Variants in ZIM2 observed in about 807,000 individuals in gnomAD.
ZIM2 encodes the protein zinc finger imprinted 2.
Under a neutral mutation model 38.6 loss-of-function variants are expected in ZIM2, and 14 were observed. That is an observed-to-expected ratio of 0.36 (90% confidence interval 0.24 to 0.57). The LOEUF is 0.57. ZIM2 is among the 20% of genes least tolerant of loss of function. The pLI is 0.81. For synonymous variants in ZIM2, 247 were observed against 245.8 expected (o/e 1.00, Z -0.04); for missense variants, 680 against 695.1 (o/e 0.98, Z 0.24).
intron 9 of ZIM2, among the ~76,000 whole-genome samples, chr19:56,806,773 G>A (rs1162879256): frequency 6.6e-6 from 1 of 152,136 alleles, no homozygotes; most frequent in Non-Finnish European, 1.5e-5. Flanking sequence ...CCTCATGAAT[G>A]GGATTAGTGC....
At chr19:56,805,379 A>G (rs976962975) in intron 9 of ZIM2, among the ~76,000 whole-genome samples, 2 of 152,222 alleles carry the variant, frequency 1.3e-5, no homozygotes, top group African/African-American at 2.4e-5. Context: ...GGCTGGGCCA[A>G]TAAGAGTCCT....
chr19:56,823,541 G>T, intron 5 of ZIM2, 49 bp downstream of exon 5: 1 of 1,610,102 alleles, frequency 6.2e-7, no homozygotes, highest in Non-Finnish European at 8.5e-7. Context: ...CCATCTGGAA[G>T]CATCTGGCAG....
At position 56,821,788 on chromosome 19, in the gene ZIM2, G is replaced by C. The variant is rs375396925; in HGVS notation, c.191-34C>G. On this transcript the variant is annotated intron_variant, in intron 6 of 12. Coordinates refer to ENST00000629319, the MANE Select transcript of ZIM2 (RefSeq NM_001387356.1). ...AAAAAAGGCATCAACAAGAAGCAGG[G>C]CCCAGTCCATCCTGCAGGTCCCAGG... 4 of 1,610,056 alleles carry C rather than the reference G, an allele frequency of 2.5e-6. No individual in the cohort carries two copies. In the East Asian group the frequency reaches 6.7e-5, roughly 27 times the overall value.
At chr19:56,811,300 A>G (rs1401930048) in intron 9 of ZIM2, 22 of 916,914 alleles carry the variant, frequency 2.4e-5, no homozygotes, top group Non-Finnish European at 2.7e-5. Context: ...ATATTTTTAA[A>G]CAGTTATAAT....
chr19:56,784,100 TA>T (rs562091161), intron 10 of ZIM2, among the ~76,000 whole-genome samples: 3 of 152,054 alleles, frequency 2.0e-5, no homozygotes, highest in East Asian at 1.9e-4. Context: ...ACTTTGGCAA[TA>T]AAAAAAATGA....
intron 9 of ZIM2, among the ~76,000 whole-genome samples, chr19:56,797,293 CTA>C (rs2047279644): frequency 6.6e-6 from 1 of 151,030 alleles, no homozygotes; most frequent in Non-Finnish European, 1.5e-5. Flanking sequence ...CAGAGTGAGA[CTA>C]TGTCTCAAAT....
chr19:56,804,003 A>G (rs886176520), intron 9 of ZIM2, among the ~76,000 whole-genome samples: 1 of 152,256 alleles, frequency 6.6e-6, no homozygotes, highest in Non-Finnish European at 1.5e-5. Context: ...GAAATCCTTT[A>G]TAACTGATTT....
At chr19:56,811,371 T>A in intron 9 of ZIM2, 1 of 872,836 alleles carries the variant, frequency 1.1e-6, no homozygotes, top group Non-Finnish European at 1.4e-6. Context: ...GTTATAACTG[T>A]AGTATAAATA....
intron 9 of ZIM2, chr19:56,810,044 GC>G (rs1600837264): frequency 1.8e-5 from 9 of 514,162 alleles, no homozygotes; most frequent in Non-Finnish European, 2.3e-5. Flanking sequence ...CATATTTAAA[GC>G]CCCAAAAACA....
At chr19:56,808,133 G>C (rs1468310876) in intron 9 of ZIM2, among the ~76,000 whole-genome samples, 4 of 152,106 alleles carry the variant, frequency 2.6e-5, no homozygotes, top group Admixed American at 6.5e-5. Context: ...CATGTAATTA[G>C]TCCTTTGCTG....
chr19:56,812,073 T>C (rs1013175833), intron 9 of ZIM2: 1 of 967,624 alleles, frequency 1.0e-6, no homozygotes, highest in Non-Finnish European at 1.2e-6. Flanking sequence ...GGTACTTTAA[T>C]TTTGCTTGTT....
At chr19:56,823,507 T>TG in intron 5 of ZIM2, 83 bp downstream of exon 5, 2 of 1,539,812 alleles carry the variant, frequency 1.3e-6, no homozygotes, top group South Asian at 1.1e-5. Context: ...GTCATCTTCA[T>TG]GGAGGCCCCA....
Position 56,775,363 on chromosome 19 carries a change from T to TC in ZIM2, c.1001dup (p.Asp336GlyfsTer27), listed in dbSNP as rs750064474. ...GAGCAGTGCCTTCCTGGGGATCCTT[T>TC]CCTAGAGGATCCTTTGATTGTTTAC... On this transcript the variant is annotated frameshift_variant, in exon 13 of 13. Transcript: ENST00000629319. LOFTEE classifies it low-confidence loss of function (END_TRUNC). 1 of 1,614,196 alleles carries TC rather than the reference T, an allele frequency of 6.2e-7. No individual in the cohort carries two copies. Among genetic ancestry groups the TC allele is most frequent in the Admixed American group, 1.7e-5 (1 of 60,030 alleles).
At chr19:56,807,480 G>A (rs2047813731) in intron 9 of ZIM2, among the ~76,000 whole-genome samples, 1 of 152,142 alleles carries the variant, frequency 6.6e-6, no homozygotes. Context: ...GTTTGGAATG[G>A]TCATCAATAT....
intron 9 of ZIM2, chr19:56,815,672 C>A: frequency 6.2e-7 from 1 of 1,614,186 alleles, no homozygotes; most frequent in Non-Finnish European, 8.5e-7. Context: ...GAGCTGGGAA[C>A]AGAGAATTCG....
chr19:56,812,911 T>C, intron 9 of ZIM2: 2 of 985,422 alleles, frequency 2.0e-6, no homozygotes, highest in Non-Finnish European at 2.4e-6. Flanking sequence ...TCAATCTGGG[T>C]CACAAAAAGC....
At chr19:56,811,563 C>G in intron 9 of ZIM2, 16 of 985,338 alleles carry the variant, frequency 1.6e-5, no homozygotes, top group Non-Finnish European at 1.8e-5. Context: ...AACGGACACC[C>G]TGACTTACAG....
At chr19:56,793,559 A>G (rs1239245050) in intron 9 of ZIM2, among the ~76,000 whole-genome samples, 1 of 152,242 alleles carries the variant, frequency 6.6e-6, no homozygotes, top group African/African-American at 2.4e-5. Context: ...TGATCTGAAC[A>G]AGTATTACAC....
At chr19:56,790,647 A>G (rs1260727486) in intron 9 of ZIM2, among the ~76,000 whole-genome samples, 1 of 151,986 alleles carries the variant, frequency 6.6e-6, no homozygotes, top group Non-Finnish European at 1.5e-5. Flanking sequence ...ACCTACTGTT[A>G]TAATTGTTCC....
Sources: allele counts gnomAD v4.1 joint callset (sites outside exome capture counted in the v4.1 genomes callset), GRCh38; gene constraint gnomAD v4.1.1; transcripts MANE v1.5; gene names NCBI Gene and HGNC (gene_info 2026-07-23, HGNC 2026-07-21).